Variants in PTPRM observed in about 807,000 individuals in gnomAD.
PTPRM encodes receptor-type tyrosine-protein phosphatase mu.
PTPRM carries 47 observed loss-of-function variants against 186.7 expected under a neutral mutation model. The ratio of observed to expected loss-of-function variants is 0.25; its 90% CI spans 0.20 to 0.32. PTPRM has a LOEUF of 0.32. Among genes scored for constraint, PTPRM ranks in the 10% least tolerant of loss-of-function variants. PTPRM has a pLI of 1.00. For missense variants in PTPRM, 1,494 were observed against 1,865.0 expected, an observed-to-expected ratio of 0.80 and a Z score of 3.66; for synonymous variants, 668 against 674.9, an observed-to-expected ratio of 0.99 and a Z score of 0.16.
At chr18:7,797,883 C>T (rs1052893795) in intron 2 of PTPRM, among the ~76,000 whole-genome samples, 5 of 152,182 alleles carry the variant, frequency 3.3e-5, no homozygotes, top group African/African-American at 1.2e-4. Context: ...GGTGGACATT[C>T]CTTCCAGCTG....
At chr18:7,673,588 A>C (rs571526609) in intron 1 of PTPRM, among the ~76,000 whole-genome samples, 3 of 152,308 alleles carry the variant, frequency 2.0e-5, no homozygotes, top group African/African-American at 7.2e-5. Flanking sequence ...GATGAGAGAA[A>C]AAGGATTTCT....
chr18:7,805,558 G>A (rs1297885952), intron 2 of PTPRM, among the ~76,000 whole-genome samples: 1 of 152,156 alleles, frequency 6.6e-6, no homozygotes, highest in Admixed American at 6.5e-5. Context: ...TTGACAGTAG[G>A]TTGAGAAGCA....
chr18:8,235,981 A>G (rs186883109), intron 14 of PTPRM, among the ~76,000 whole-genome samples: 120 of 152,304 alleles, frequency 7.9e-4, no homozygotes, highest in Non-Finnish European at 1.5e-3. Flanking sequence ...AGCTGTGTTT[A>G]ATGGCTCATG....
intron 1 of PTPRM, among the ~76,000 whole-genome samples, chr18:7,617,023 A>G (rs2037822292): frequency 6.6e-6 from 1 of 152,210 alleles, no homozygotes; most frequent in South Asian, 2.1e-4. Flanking sequence ...TTCACAAAAA[A>G]TCAGAAGGGT....
intron 7 of PTPRM, among the ~76,000 whole-genome samples, chr18:8,063,954 C>T (rs375512306): frequency 1.2e-4 from 19 of 152,114 alleles, no homozygotes; most frequent in African/African-American, 4.3e-4. Flanking sequence ...GGGAGTGCTC[C>T]TTCTAGGCTG....
intron 2 of PTPRM, among the ~76,000 whole-genome samples, chr18:7,802,306 C>A (rs9950752): frequency 0.029 from 4,388 of 152,264 alleles, 221 homozygotes; most frequent in African/African-American, 0.099. Flanking sequence ...GGGGCCACTA[C>A]TGGGTCAGGG....
chr18:8,173,888 G>C lies in PTPRM; in HGVS notation c.2300+30109G>C, dbSNP rs1405711066. On this transcript the variant is annotated intron_variant, in intron 14 of 32. Coordinates refer to ENST00000580170, the MANE Select transcript of PTPRM (RefSeq NM_001105244.2). ...GTTCAAGACCAGCCTGGCCAACATG[G>C]CAAAACCCCATCTCTATTAAAAATA... 2.0e-5 allele frequency among the ~76,000 whole-genome samples: 3 copies of C among 152,258 alleles called. No individual in the cohort carries two copies. In the East Asian group the frequency reaches 5.8e-4, roughly 29 times the overall value.
intron 1 of PTPRM, among the ~76,000 whole-genome samples, chr18:7,686,997 C>T (rs753259654): frequency 3.0e-4 from 46 of 152,144 alleles, no homozygotes; most frequent in South Asian, 4.2e-4. Context: ...TATAAGCTGT[C>T]GTAGAAAGAA....
chr18:7,847,381 G>A (rs929880891), intron 2 of PTPRM, among the ~76,000 whole-genome samples: 3 of 151,888 alleles, frequency 2.0e-5, no homozygotes, highest in African/African-American at 7.3e-5. Flanking sequence ...TGCCCAGGCT[G>A]GTCTCAAACT....
chr18:7,739,555 A>G (rs1311283258), intron 1 of PTPRM, among the ~76,000 whole-genome samples: 1 of 152,194 alleles, frequency 6.6e-6, no homozygotes, highest in Non-Finnish European at 1.5e-5. Context: ...TTTTGCACCA[A>G]CCATTTTCCT....
intron 2 of PTPRM, among the ~76,000 whole-genome samples, chr18:7,851,216 G>A (rs919557498): frequency 2.0e-5 from 3 of 152,194 alleles, no homozygotes; most frequent in African/African-American, 4.8e-5. Flanking sequence ...TGTACAAGCT[G>A]TATGACATGG....
At chr18:8,147,305 G>A (rs1185698588) in intron 14 of PTPRM, among the ~76,000 whole-genome samples, 1 of 152,154 alleles carries the variant, frequency 6.6e-6, no homozygotes, top group African/African-American at 2.4e-5. Context: ...CCAGTTGTTT[G>A]TGTCCTCTCT....
At chr18:8,025,159 A>C (rs1050327669) in intron 7 of PTPRM, among the ~76,000 whole-genome samples, 1 of 152,118 alleles carries the variant, frequency 6.6e-6, no homozygotes, top group Non-Finnish European at 1.5e-5. Flanking sequence ...TTTAGATGAA[A>C]GTTTGGGTCT....
At chr18:8,238,632 T>A (rs962050362) in intron 14 of PTPRM, among the ~76,000 whole-genome samples, 13 of 149,306 alleles carry the variant, frequency 8.7e-5, no homozygotes, top group African/African-American at 3.2e-4. Context: ...TTGCTCTGTC[T>A]CTTCACACTG....
intron 17 of PTPRM, among the ~76,000 whole-genome samples, chr18:8,248,865 T>C (rs1601466081): frequency 6.6e-6 from 1 of 152,210 alleles, no homozygotes; most frequent in Admixed American, 6.5e-5. Context: ...GTTAGCCCGG[T>C]GGGGCAGAAT....
chr18:7,607,025 C>T (rs184403039), intron 1 of PTPRM, among the ~76,000 whole-genome samples: 1 of 152,088 alleles, frequency 6.6e-6, no homozygotes, highest in Admixed American at 6.5e-5. Flanking sequence ...TCTTCTCCTG[C>T]TTGTAGACAC....
At chr18:8,143,803 G>A (rs765615968) in intron 14 of PTPRM, 24 bp downstream of exon 14, 7 of 1,612,392 alleles carry the variant, frequency 4.3e-6, no homozygotes, top group Non-Finnish European at 5.1e-6. Flanking sequence ...TGTTGCCAAA[G>A]ATACAGTTAT....
intron 7 of PTPRM, among the ~76,000 whole-genome samples, chr18:8,009,323 CTTT>C (rs71354585): frequency 1.4e-5 from 2 of 145,380 alleles, no homozygotes; most frequent in African/African-American, 5.1e-5. Flanking sequence ...GCTTCCATAA[CTTT>C]TTTTTTTTTT....
intron 11 of PTPRM, among the ~76,000 whole-genome samples, chr18:8,111,768 C>A (rs545581715): frequency 1.2e-4 from 19 of 152,088 alleles, no homozygotes; most frequent in Non-Finnish European, 4.4e-5. Context: ...TCTCTCATTT[C>A]GTAGGAGAAA....
Sources: allele counts gnomAD v4.1 joint callset (sites outside exome capture counted in the v4.1 genomes callset), GRCh38; gene constraint gnomAD v4.1.1; transcripts MANE v1.5; gene names NCBI Gene and HGNC (gene_info 2026-07-23, HGNC 2026-07-21).